FGD1: variants seen among roughly 807,000 people sequenced by gnomAD.
FGD1 encodes FYVE, RhoGEF and PH domain containing 1.
Under a neutral mutation model 65.0 loss-of-function variants are expected in FGD1, and 12 were observed. That is an observed-to-expected ratio of 0.18 (90% CI 0.12 to 0.30). The LOEUF (loss-of-function observed/expected upper bound fraction) is 0.30. Ranked by LOEUF, FGD1 falls within the 10% of genes least tolerant of loss-of-function variation. The pLI is 1.00. For missense variants in FGD1, 542 were observed against 837.6 expected (o/e 0.65, Z 4.36); for synonymous variants, 333 against 343.9 (o/e 0.97, Z 0.35).
chrX:54,485,995 A>G (rs1438001607), intron 1 of FGD1, among the ~76,000 whole-genome samples: 5 of 109,625 alleles, frequency 4.6e-5, no homozygotes. Flanking sequence ...GGATGGTCTC[A>G]ATCTCTTGAC....
intron 9 of FGD1, 61 bp from the exon 10 acceptor site, chrX:54,456,427 C>G: frequency 2.5e-6 from 3 of 1,207,542 alleles, no homozygotes; most frequent in Non-Finnish European, 3.4e-6. Context: ...CAGATGCCCA[C>G]AAGTCACGAC....
intron 1 of FGD1, among the ~76,000 whole-genome samples, chrX:54,483,445 C>A (rs1451458109): frequency 3.6e-5 from 4 of 112,400 alleles, no homozygotes; most frequent in Non-Finnish European, 5.7e-5. Flanking sequence ...GGCTTCTATG[C>A]CAGCTGCAGC....
intron 5 of FGD1, 70 bp downstream of exon 5, chrX:54,468,717 C>T: frequency 1.4e-6 from 1 of 717,620 alleles, no homozygotes; most frequent in Non-Finnish European, 2.2e-6. Context: ...TGAACTCAGG[C>T]CCTATCACTG....
At chrX:54,488,269 CAAAAAAA>C (rs57920117) in intron 1 of FGD1, among the ~76,000 whole-genome samples, 2 of 5,464 alleles carry the variant, frequency 3.7e-4, no homozygotes, top group East Asian at 0.011. Flanking sequence ...GACTCAGTCT[CAAAAAAA>C]AAAAAAAAAA....
chrX:54,465,431 G>T lies in FGD1; in HGVS notation c.1636+20C>A. ...TATTAGTGTGGAGAAGTAGGAAGGG[G>T]CCTGGGTGCACACACTCACTTTGGG... On this transcript the variant is annotated intron_variant, in intron 8 of 17. Coordinates refer to ENST00000375135, the MANE Select transcript of FGD1 (RefSeq NM_004463.3). The T allele has an allele frequency of 4.2e-6, 5 of 1,199,693 alleles. No homozygotes were observed. The highest frequency in any genetic ancestry group is 1.8e-5 in the South Asian group (1 of 54,933).
intron 6 of FGD1, among the ~76,000 whole-genome samples, chrX:54,466,790 C>G (rs1922770263): frequency 9.4e-6 from 1 of 106,645 alleles, no homozygotes; most frequent in African/African-American, 3.4e-5. Flanking sequence ...TGCTCTGTTG[C>G]CCAGGCTGGA....
In FGD1 at chrX:54,456,586, G is replaced by GAGGTCAGAT. The variant is rs758585758; in HGVS notation, c.1637-28_1637-20dup. 13 of 1,181,390 alleles carry GAGGTCAGAT rather than the reference G, an allele frequency of 1.1e-5. No individual in the cohort carries two copies. The highest frequency in any genetic ancestry group is 1.5e-5 in the Non-Finnish European group (13 of 871,202). The stretch of plus-strand genomic sequence containing the variant: ...AGAGACTCTACAGGCATAGAGGGGT[G>GAGGTCAGAT]AGGTCAGATGGGGGACTAGCAGAGA... On this transcript the variant is annotated intron_variant, in intron 8 of 17. Coordinates refer to ENST00000375135, the MANE Select transcript of FGD1 (RefSeq NM_004463.3).
intron 8 of FGD1, among the ~76,000 whole-genome samples, chrX:54,462,018 G>A: frequency 9.0e-6 from 1 of 111,064 alleles, no homozygotes; most frequent in Admixed American, 9.7e-5. Flanking sequence ...CAGGTGGGAA[G>A]AGGCCCAGTC....
At chrX:54,495,010 G>A (rs1923495265) in intron 1 of FGD1, 116 bp downstream of exon 1, 6 of 801,539 alleles carry the variant, frequency 7.5e-6, no homozygotes, top group Non-Finnish European at 1.1e-5. Flanking sequence ...GAACCCAAAG[G>A]GCCGAGGTAA....
intron 1 of FGD1, among the ~76,000 whole-genome samples, chrX:54,483,517 G>A (rs1923203815): frequency 8.9e-6 from 1 of 112,525 alleles, no homozygotes; most frequent in Admixed American, 9.3e-5. Flanking sequence ...TTCCCTCCGC[G>A]ATTTAACCCT....
chrX:54,453,145 AGAT>A lies in FGD1; in HGVS notation c.2015+2300_2015+2302del, dbSNP rs1922420587. Among the ~76,000 whole-genome samples, 5 of 111,428 alleles carry A rather than the reference AGAT, an allele frequency of 4.5e-5. No homozygotes were observed. The Admixed American group carries it at 4.8e-4, about 11-fold the overall frequency. ...CCACTGCAGCCCCTTTCCTCTCTGC[AGAT>A]GATGAGTCCCTGTCACGTGGCTTGT... is the stretch of plus-strand genomic sequence containing the variant. On this transcript the variant is annotated intron_variant, in intron 12 of 17. Coordinates refer to ENST00000375135, the MANE Select transcript of FGD1 (RefSeq NM_004463.3).
intron 1 of FGD1, among the ~76,000 whole-genome samples, chrX:54,478,386 G>A (rs149968315): frequency 1.3e-4 from 14 of 110,108 alleles, no homozygotes; most frequent in Admixed American, 5.8e-4. Flanking sequence ...CCTTGAATCT[G>A]GTCTTTTTTT....
intron 1 of FGD1, among the ~76,000 whole-genome samples, chrX:54,482,309 C>G (rs776513882): frequency 1.8e-5 from 2 of 110,979 alleles, no homozygotes; most frequent in African/African-American, 6.6e-5. Context: ...GCAGCCCATC[C>G]CTCTTCCAGT....
intron 1 of FGD1, 150 bp downstream of exon 1, chrX:54,494,976 G>A: frequency 5.5e-6 from 3 of 542,130 alleles, no homozygotes; most frequent in Admixed American, 2.8e-5. Context: ...GCCAAGGGAC[G>A]TGGGGAGGAG....
intron 8 of FGD1, among the ~76,000 whole-genome samples, chrX:54,458,320 G>C (rs963187150): frequency 6.4e-5 from 7 of 110,109 alleles, no homozygotes; most frequent in Non-Finnish European, 1.3e-4. Context: ...AGGCCGAGGG[G>C]GGCAGATCAC....
chrX:54,457,726 TG>T (rs1166989087), intron 8 of FGD1, among the ~76,000 whole-genome samples: 4 of 111,213 alleles, frequency 3.6e-5, no homozygotes, highest in Non-Finnish European at 5.7e-5. Context: ...GCTTATTCTC[TG>T]GGGGCTCAGA....
chrX:54,485,098 G>A (rs888682613), intron 1 of FGD1, among the ~76,000 whole-genome samples: 8 of 112,613 alleles, frequency 7.1e-5, no homozygotes, highest in Admixed American at 6.6e-4. Context: ...TCTTGTCTGG[G>A]GAAGTCCTTT....
intron 1 of FGD1, among the ~76,000 whole-genome samples, chrX:54,487,822 C>T (rs1428921373): frequency 1.8e-5 from 2 of 109,591 alleles, no homozygotes; most frequent in South Asian, 3.9e-4. Flanking sequence ...TGGTGGCGGG[C>T]GCCTGTAATC....
intron 1 of FGD1, among the ~76,000 whole-genome samples, chrX:54,480,776 C>T (rs1471976030): frequency 9.1e-6 from 1 of 109,953 alleles, no homozygotes; most frequent in African/African-American, 3.3e-5. Flanking sequence ...CTCAGCCTCC[C>T]GAGTAGCTGG....
Sources: gnomAD v4.1 joint callset for allele counts (sites outside exome capture counted in the v4.1 genomes callset) on GRCh38, gnomAD v4.1.1 for gene constraint, MANE v1.5 for transcripts, NCBI Gene and HGNC (gene_info 2026-07-23, HGNC 2026-07-21) for gene names.